Variants in ROBO1 observed in about 807,000 individuals in gnomAD.
The protein encoded by ROBO1 is roundabout guidance receptor 1.
A neutral mutation model predicts 195.9 loss-of-function variants in ROBO1; 149 were observed. The observed-to-expected ratio is 0.76, with a 90% confidence interval of 0.67 to 0.87. ROBO1 has a LOEUF of 0.87. Ranked by LOEUF, ROBO1 falls within the 40% of genes least tolerant of loss-of-function variation. ROBO1 has a pLI of 0.00. For synonymous variants in ROBO1, 816 were observed against 733.2 expected (o/e 1.11, Z -1.82); for missense variants, 1,933 against 2,068.3 (o/e 0.93, Z 1.27).
At chr3:78,731,134 G>T (rs2082276668) in intron 5 of ROBO1, among the ~76,000 whole-genome samples, 1 of 152,020 alleles carries the variant, frequency 6.6e-6, no homozygotes, top group Non-Finnish European at 1.5e-5. Context: ...CTGTTTGGAG[G>T]GATATTTATT....
intron 2 of ROBO1, among the ~76,000 whole-genome samples, chr3:79,187,524 A>C (rs559177922): frequency 6.6e-6 from 1 of 152,148 alleles, no homozygotes; most frequent in East Asian, 1.9e-4. Context: ...ACTGTGAATA[A>C]ATTTTGTCCA....
At chr3:78,785,336 A>G (rs35984348) in intron 4 of ROBO1, among the ~76,000 whole-genome samples, 37,795 of 151,842 alleles carry the variant, frequency 0.25, 4,918 homozygotes, top group East Asian at 0.49. Flanking sequence ...TGCAGTGGGG[A>G]TCTTAACCCT....
Position 79,166,757 on chromosome 3 carries a change from C to T in ROBO1, c.89-41218G>A, listed in dbSNP as rs894798329. Among the ~76,000 whole-genome samples, 7 of 151,772 alleles carry T rather than the reference C, an allele frequency of 4.6e-5. No homozygotes were observed. The East Asian group carries it at 5.8e-4, about 13-fold the overall frequency. The stretch of plus-strand genomic sequence containing the variant: ...ATTTTTTTTGTATTTTTAGTAGAGA[C>T]GGGGTTTCACCAAGTTAGCCAGGAT... On this transcript the variant is annotated intron_variant, in intron 2 of 30. Coordinates refer to ENST00000464233, the MANE Select transcript of ROBO1 (RefSeq NM_002941.4).
At chr3:79,527,920 C>G (rs558363218) in intron 2 of ROBO1, 1 of 152,344 alleles carries the variant, frequency 6.6e-6, no homozygotes, top group Non-Finnish European at 1.5e-5. Flanking sequence ...ATTGACACTT[C>G]CGTATGAAAA....
intron 5 of ROBO1, 38 bp from the exon 6 acceptor site, chr3:78,717,921 G>C: frequency 6.2e-7 from 1 of 1,604,526 alleles, no homozygotes; most frequent in Non-Finnish European, 8.5e-7. Context: ...TATTAAAATT[G>C]CTTCAGCTAT....
chr3:79,537,693 C>G (rs186970027), intron 2 of ROBO1, among the ~76,000 whole-genome samples: 1 of 151,636 alleles, frequency 6.6e-6, no homozygotes, highest in Non-Finnish European at 1.5e-5. Flanking sequence ...AATGAGAACA[C>G]GAGGACATAG....
intron 4 of ROBO1, among the ~76,000 whole-genome samples, chr3:78,908,980 A>T (rs977949215): frequency 2.2e-4 from 34 of 151,932 alleles, no homozygotes; most frequent in African/African-American, 8.2e-4. Flanking sequence ...TGAATAAAAA[A>T]TATGAACATT....
At chr3:78,913,555 T>A (rs2038379416) in intron 4 of ROBO1, among the ~76,000 whole-genome samples, 1 of 152,128 alleles carries the variant, frequency 6.6e-6, no homozygotes, top group African/African-American at 2.4e-5. Context: ...GAAAAATAAT[T>A]TCAAATATAA....
intron 3 of ROBO1, among the ~76,000 whole-genome samples, chr3:78,955,428 T>C (rs2040999978): frequency 6.6e-6 from 1 of 152,110 alleles, no homozygotes; most frequent in African/African-American, 2.4e-5. Context: ...GTGTTCTCAT[T>C]GTAAAACCAT....
chr3:79,016,044 A>C (rs2108242718), intron 3 of ROBO1, among the ~76,000 whole-genome samples: 1 of 152,372 alleles, frequency 6.6e-6, no homozygotes, highest in Non-Finnish European at 1.5e-5. Context: ...TCCATTAACA[A>C]GTGATAGACT....
intron 2 of ROBO1, among the ~76,000 whole-genome samples, chr3:79,484,501 A>G (rs1939042559): frequency 6.6e-6 from 1 of 152,010 alleles, no homozygotes; most frequent in Non-Finnish European, 1.5e-5. Flanking sequence ...GCATATATAT[A>G]TATGTGTGTG....
At chr3:79,431,682 G>A (rs956631507) in intron 2 of ROBO1, among the ~76,000 whole-genome samples, 3 of 152,096 alleles carry the variant, frequency 2.0e-5, no homozygotes, top group African/African-American at 7.2e-5. Flanking sequence ...TAGACAAAAT[G>A]TTTAATTGCA....
chr3:79,018,819 A>G, intron 3 of ROBO1: 3 of 1,024,328 alleles, frequency 2.9e-6, no homozygotes, highest in Non-Finnish European at 3.5e-6. Flanking sequence ...GCGCCCCCAC[A>G]ATGTGCGGCC....
intron 5 of ROBO1, among the ~76,000 whole-genome samples, chr3:78,739,754 G>C (rs2082478888): frequency 6.6e-6 from 1 of 152,196 alleles, no homozygotes; most frequent in East Asian, 1.9e-4. Context: ...ATATGGACTA[G>C]TTCTTGAACA....
rs796068537 is a variant in ROBO1, at chr3:78,952,677, A to G, written c.173-13750T>C. ...CATGCTTACTGTTGAAATAAGAAGC[A>G]TAAAAACAGTCCACACTCTACAAAA... On this transcript the variant is annotated intron_variant, in intron 3 of 30. Transcript: ENST00000464233. Among the ~76,000 whole-genome samples the G allele has an allele frequency of 1.6e-4, 25 of 152,178 alleles. 2 individuals are homozygous for G. Among genetic ancestry groups the G allele is most frequent in the African/African-American group, 5.8e-4 (24 of 41,572 alleles).
chr3:78,711,938 C>A (rs555441506), intron 8 of ROBO1, among the ~76,000 whole-genome samples: 103 of 139,418 alleles, frequency 7.4e-4, no homozygotes, highest in Non-Finnish European at 1.3e-3. Context: ...GCCACGGAAA[C>A]CCCTAGAGTC....
chr3:79,307,770 TA>T (rs1318160880), intron 2 of ROBO1, among the ~76,000 whole-genome samples: 1 of 152,172 alleles, frequency 6.6e-6, no homozygotes, highest in African/African-American at 2.4e-5. Context: ...TGATTTGGGT[TA>T]ATTTCATTAG....
chr3:79,320,309 A>G (rs1249319413), intron 2 of ROBO1, among the ~76,000 whole-genome samples: 1 of 152,134 alleles, frequency 6.6e-6, no homozygotes, highest in Non-Finnish European at 1.5e-5. Flanking sequence ...TCGTGAACTC[A>G]TCGCTTCCCA....
intron 22 of ROBO1, among the ~76,000 whole-genome samples, chr3:78,638,917 CAT>C (rs1705730704): frequency 6.6e-6 from 1 of 151,946 alleles, no homozygotes; most frequent in Non-Finnish European, 1.5e-5. Flanking sequence ...ATTGTAATCA[CAT>C]ACATTCTTAT....
Sources: gnomAD v4.1 joint callset for allele counts (sites outside exome capture counted in the v4.1 genomes callset) on GRCh38, gnomAD v4.1.1 for gene constraint, MANE v1.5 for transcripts, NCBI Gene and HGNC (gene_info 2026-07-23, HGNC 2026-07-21) for gene names.